TAMM41: variants seen among roughly 807,000 people sequenced by gnomAD.
TAMM41 encodes phosphatidate cytidylyltransferase, mitochondrial.
Under a neutral mutation model 44.1 loss-of-function variants are expected in TAMM41, and 36 were observed. The ratio of observed to expected loss-of-function variants is 0.82; its 90% CI spans 0.63 to 1.08. The LOEUF is 1.08. Ranked by LOEUF, TAMM41 falls within the 50% of genes least tolerant of loss-of-function variation. The probability of loss-of-function intolerance (pLI) is 0.00; values close to 1 mark genes in which losing one functional copy is unlikely to be tolerated. For missense variants in TAMM41, 417 were observed against 404.3 expected (o/e 1.03, Z -0.27); for synonymous variants, 164 against 153.1 (o/e 1.07, Z -0.53).
intron 7 of TAMM41, 32 bp downstream of exon 7, chr3:11,807,801 G>A: frequency 2.0e-6 from 3 of 1,536,066 alleles, no homozygotes; most frequent in Non-Finnish European, 2.6e-6. Context: ...CAGTCAGCAG[G>A]TATGTTACAC....
At chr3:11,747,761 G>C in the TAMM41 span, among the ~76,000 whole-genome samples, 1 of 151,558 alleles carries the variant, frequency 6.6e-6, no homozygotes, top group Non-Finnish European at 1.5e-5. Flanking sequence ...ATGAGACCCT[G>C]TCTCAAAAAA....
At chr3:11,722,677 CA>C in the TAMM41 span, among the ~76,000 whole-genome samples, 9 of 148,362 alleles carry the variant, frequency 6.1e-5, no homozygotes, top group Admixed American at 6.7e-5. Context: ...AGTAAAAATA[CA>C]AAAAAAAAAT....
intron 3 of TAMM41, among the ~76,000 whole-genome samples, chr3:11,836,999 G>C (rs1011695241): frequency 6.6e-6 from 1 of 152,168 alleles, no homozygotes; most frequent in Non-Finnish European, 1.5e-5. Flanking sequence ...CATCTTAAGG[G>C]TACAGTTTGA....
the TAMM41 span, among the ~76,000 whole-genome samples, chr3:11,740,225 G>A: frequency 6.6e-6 from 1 of 152,142 alleles, no homozygotes. Flanking sequence ...CATTACTGCT[G>A]AAAATCCCTC....
At chr3:11,801,531 G>A (rs966627024) in intron 7 of TAMM41, among the ~76,000 whole-genome samples, 3 of 151,990 alleles carry the variant, frequency 2.0e-5, no homozygotes, top group Non-Finnish European at 4.4e-5. Context: ...TTTCCACGTT[G>A]CCCAGGCTGG....
intron 1 of TAMM41, chr3:11,845,210 G>C (rs1575738732): frequency 2.9e-6 from 1 of 342,720 alleles, no homozygotes; most frequent in South Asian, 2.2e-5. Context: ...GACTAAGGGG[G>C]TGGGGGAATT....
At chr3:11,729,539 A>ATTTTTTTTTTTTTTTTTTTTTTTTT in the TAMM41 span, among the ~76,000 whole-genome samples, 2 of 32,272 alleles carry the variant, frequency 6.2e-5, no homozygotes, top group Non-Finnish European at 1.4e-4. Flanking sequence ...TCTTTCTTTC[A>ATTTTTTTTTTTTTTTTTTTTTTTTT]TTTTTTTTTT....
chr3:11,832,261 A>C (rs2079010564), intron 3 of TAMM41, among the ~76,000 whole-genome samples: 1 of 145,228 alleles, frequency 6.9e-6, no homozygotes, highest in Admixed American at 7.2e-5. Context: ...AACCAATCAC[A>C]GATGGGAAAC....
intron 7 of TAMM41, among the ~76,000 whole-genome samples, chr3:11,802,651 A>G (rs923326756): frequency 3.9e-5 from 6 of 152,232 alleles, no homozygotes; most frequent in African/African-American, 1.4e-4. Context: ...TCCTTCTGAA[A>G]CTATTCTAAA....
At chr3:11,822,979 C>T (rs2078585032) in intron 4 of TAMM41, among the ~76,000 whole-genome samples, 1 of 152,218 alleles carries the variant, frequency 6.6e-6, no homozygotes, top group Admixed American at 6.5e-5. Flanking sequence ...AGCTGTACCA[C>T]TTTACAATCT....
intron 3 of TAMM41, chr3:11,833,172 T>C (rs2079051843): frequency 2.3e-6 from 3 of 1,284,030 alleles, no homozygotes; most frequent in Non-Finnish European, 3.0e-6. Flanking sequence ...AAGAAAGTGC[T>C]CAGATTTGTG....
chr3:11,765,574 C>T, the TAMM41 span, among the ~76,000 whole-genome samples: 1 of 152,184 alleles, frequency 6.6e-6, no homozygotes, highest in Non-Finnish European at 1.5e-5. Flanking sequence ...GCAGTCTGTA[C>T]ATATAACACA....
At chr3:11,766,173 G>T in the TAMM41 span, among the ~76,000 whole-genome samples, 1 of 151,838 alleles carries the variant, frequency 6.6e-6, no homozygotes, top group Non-Finnish European at 1.5e-5. Flanking sequence ...TTTTGTTGTT[G>T]GTTTTTTTTG....
chr3:11,722,972 A>C, the TAMM41 span, among the ~76,000 whole-genome samples: 1 of 152,044 alleles, frequency 6.6e-6, no homozygotes, highest in Admixed American at 6.6e-5. Context: ...CAAAACAAAA[A>C]ATTAGCTGGG....
the TAMM41 span, among the ~76,000 whole-genome samples, chr3:11,779,569 C>T: frequency 6.6e-6 from 1 of 152,102 alleles, no homozygotes; most frequent in Non-Finnish European, 1.5e-5. Context: ...CCCTGCTCTC[C>T]GTGTTTTCCT....
At chr3:11,794,155 T>TA (rs35098497) in intron 7 of TAMM41, among the ~76,000 whole-genome samples, 61,758 of 150,938 alleles carry the variant, frequency 0.41, 13,229 homozygotes, top group Admixed American at 0.49. Flanking sequence ...TCAATTTTTT[T>TA]TTTTTTTTTT....
the TAMM41 span, among the ~76,000 whole-genome samples, chr3:11,761,713 G>A: frequency 2.6e-5 from 4 of 152,008 alleles, no homozygotes; most frequent in Non-Finnish European, 4.4e-5. Flanking sequence ...TTGGGAGGCC[G>A]AGGCGGGTGG....
At chr3:11,837,397 A>T in intron 3 of TAMM41, among the ~76,000 whole-genome samples, 1 of 151,438 alleles carries the variant, frequency 6.6e-6, no homozygotes. Flanking sequence ...GCACAGACTG[A>T]TTATCTGGAA....
the TAMM41 span, among the ~76,000 whole-genome samples, chr3:11,723,347 A>G: frequency 6.6e-6 from 1 of 152,158 alleles, no homozygotes; most frequent in East Asian, 1.9e-4. Flanking sequence ...TGGTAGGCCA[A>G]GGCGGGTGCA....
Sources: gnomAD v4.1 joint callset for allele counts (sites outside exome capture counted in the v4.1 genomes callset) on GRCh38, gnomAD v4.1.1 for gene constraint, MANE v1.5 for transcripts, NCBI Gene and HGNC (gene_info 2026-07-23, HGNC 2026-07-21) for gene names.